The following AK7 variants were observed in gnomAD, a reference collection of about 807,000 sequenced individuals.
AK7 encodes the protein ATP-AMP transphosphorylase 7.
A neutral mutation model predicts 96.6 loss-of-function variants in AK7; 78 were observed. That is an observed-to-expected ratio of 0.81 (90% CI 0.67 to 0.97). The LOEUF is 0.97. Among genes scored for constraint, AK7 ranks in the 50% least tolerant of loss-of-function variants. The probability of loss-of-function intolerance (pLI) is 0.00; values close to 1 mark genes in which losing one functional copy is unlikely to be tolerated. For missense variants in AK7, 855 were observed against 887.9 expected (o/e 0.96, Z 0.47); for synonymous variants, 302 against 317.2 (o/e 0.95, Z 0.51).
chr14:96,467,452 C>G (rs1669069354), intron 12 of AK7, among the ~76,000 whole-genome samples: 1 of 152,070 alleles, frequency 6.6e-6, no homozygotes, highest in African/African-American at 2.4e-5. Context: ...TCTCCTGCCT[C>G]AGCCTCCCGA....
intron 8 of AK7, among the ~76,000 whole-genome samples, chr14:96,449,117 C>T (rs376269158): frequency 3.3e-4 from 50 of 152,260 alleles, no homozygotes; most frequent in African/African-American, 1.2e-3. Flanking sequence ...ACACTAATCT[C>T]ATTCTTGAGG....
chr14:96,399,033 T>C lies in AK7; in HGVS notation c.294+770T>C, dbSNP rs1369540647. 1 of 152,138 alleles carries C rather than the reference T, an allele frequency of 6.6e-6. No individual in the cohort carries two copies. The highest frequency in any genetic ancestry group is 2.4e-5 in the African/African-American group (1 of 41,418). The allele number at this position is 152,138 out of a possible 1,614,324, so 9.4% of individuals were successfully genotyped here. ...GTCTCTTCCTCCAGGAAGCCGTTCA[T>C]GATTCCTACTTCTCCCTCACTCCCA... is the stretch of plus-strand genomic sequence containing the variant. On this transcript the variant is annotated intron_variant, in intron 2 of 17. Coordinates refer to ENST00000267584, the MANE Select transcript of AK7 (RefSeq NM_152327.5). This position sits in a 1 kb window ranked among gnomAD's most constrained non-coding sequence, Gnocchi z 4.1.
At chr14:96,404,150 TAAAA>T (rs34091316) in intron 2 of AK7, among the ~76,000 whole-genome samples, 3 of 99,760 alleles carry the variant, frequency 3.0e-5, no homozygotes, top group Non-Finnish European at 4.0e-5. Context: ...TGTCTCAAAT[TAAAA>T]AAAAAAAAAA....
chr14:96,436,822 A>G (rs1892663437), intron 5 of AK7, among the ~76,000 whole-genome samples: 1 of 151,906 alleles, frequency 6.6e-6, no homozygotes, highest in South Asian at 2.1e-4. Flanking sequence ...GCTACTGTGC[A>G]TTTCACCTTC....
chr14:96,403,830 G>A (rs1027542470), intron 2 of AK7, among the ~76,000 whole-genome samples: 1 of 152,112 alleles, frequency 6.6e-6, no homozygotes, highest in Non-Finnish European at 1.5e-5. Context: ...TATTCATGCA[G>A]CAAGGATTGA....
chr14:96,438,436 G>A (rs1892772505), intron 6 of AK7, among the ~76,000 whole-genome samples: 1 of 152,202 alleles, frequency 6.6e-6, no homozygotes, highest in Non-Finnish European at 1.5e-5. Context: ...TGACATTTGA[G>A]TAGGAAGGGA....
rs1893606817 is a variant in AK7 at position 96,451,535 on chromosome 14, A to G, written c.1063A>G (p.Ile355Val). The change falls in exon 10 of 18, where the codon ATC becomes GTC. Residue 355 changes from isoleucine to valine, a missense_variant. Ile to Val is a conservative substitution (Grantham distance 29). Coordinates refer to ENST00000267584, the MANE Select transcript of AK7 (RefSeq NM_152327.5). ...AGGATTTGTGGAAAATATCAACACTATCCTCAAGGAGTACAAGCAAAGCAG... is the reference window on the plus strand; with the variant it reads ...AGGATTTGTGGAAAATATCAACACTGTCCTCAAGGAGTACAAGCAAAGCAG... The part of the protein sequence containing the change: ...QTGFVENINT[I>V]LKEYKQSRGL... 6.3e-7 allele frequency: 1 copy of G among 1,584,666 alleles called. No homozygotes were observed. The highest frequency in any genetic ancestry group is 8.6e-7 in the Non-Finnish European group (1 of 1,163,464).
intron 12 of AK7, among the ~76,000 whole-genome samples, chr14:96,461,682 C>T (rs1202774879): frequency 6.7e-6 from 1 of 150,060 alleles, no homozygotes; most frequent in East Asian, 2.0e-4. Context: ...AGCTCTGCCT[C>T]CTGGCTTCAA....
rs1431036866 is a variant in AK7, at chr14:96,456,239, A to T, written c.1099-108A>T. The T allele has an allele frequency of 9.4e-3, 57 of 6,070 alleles. 1 individual carries two copies. The East Asian group carries it at 0.37, about 39-fold the overall frequency. 0.4% of individuals were successfully genotyped at this position (6,070 alleles called of 1,614,324 possible). On this transcript the variant is annotated intron_variant, in intron 10 of 17. Coordinates refer to ENST00000267584, the MANE Select transcript of AK7 (RefSeq NM_152327.5). Reference sequence around the variant, plus strand: ...GCAACAGAGTGAGAGACTCTGTCTCAAAAAAAAAAAAAAAAAAAAAAAGCA... The same window carrying T: ...GCAACAGAGTGAGAGACTCTGTCTCTAAAAAAAAAAAAAAAAAAAAAAGCA...
intron 5 of AK7, among the ~76,000 whole-genome samples, chr14:96,434,022 G>A (rs936453635): frequency 6.6e-6 from 1 of 152,142 alleles, no homozygotes; most frequent in Non-Finnish European, 1.5e-5. Context: ...TGTCTGAAAG[G>A]TCACATAGCT....
chr14:96,450,636 A>G (rs1170284909), intron 9 of AK7, among the ~76,000 whole-genome samples: 2 of 151,900 alleles, frequency 1.3e-5, no homozygotes, highest in Non-Finnish European at 2.9e-5. Flanking sequence ...AATTCTTTTT[A>G]AGAATAAATT....
At chr14:96,427,724 C>T (rs1048376594) in intron 5 of AK7, among the ~76,000 whole-genome samples, 4 of 152,186 alleles carry the variant, frequency 2.6e-5, no homozygotes. Flanking sequence ...ATCTCTTACT[C>T]GACTTCCTCT....
chr14:96,465,642 A>T (rs1894521000), intron 12 of AK7, among the ~76,000 whole-genome samples: 1 of 152,204 alleles, frequency 6.6e-6, no homozygotes, highest in Non-Finnish European at 1.5e-5. Flanking sequence ...AGATTATTTT[A>T]TGTAAAAGGA....
chr14:96,398,084 A>C lies in AK7; in HGVS notation c.115A>C (p.Asn39His). 6.2e-7 allele frequency: 1 copy of C among 1,613,888 alleles called. No individual in the cohort carries two copies. Among genetic ancestry groups the C allele is most frequent in the Non-Finnish European group, 8.5e-7 (1 of 1,179,976 alleles). Reference protein sequence around the residue: ...SSGNIGKFLSNCVVGASLEEI... With the variant: ...SSGNIGKFLSHCVVGASLEEI... The stretch of plus-strand genomic sequence containing the variant: ...TTCTGTTTCCTTGCAGTTTCTATCT[A>C]ACTGTGTAGTTGGGGCTTCGCTTGA... The change falls in exon 2 of 18, where the codon AAC becomes CAC. Residue 39 changes from asparagine (N) to histidine (H), a missense_variant. Transcript: ENST00000267584.
chr14:96,441,124 C>T (rs570938795), intron 6 of AK7, among the ~76,000 whole-genome samples: 1 of 152,164 alleles, frequency 6.6e-6, no homozygotes, highest in South Asian at 2.1e-4. Flanking sequence ...TCTAGCTCAG[C>T]GAATCTGCAT....
At chr14:96,401,335 A>G (rs1890397139) in intron 2 of AK7, among the ~76,000 whole-genome samples, 1 of 152,130 alleles carries the variant, frequency 6.6e-6, no homozygotes, top group African/African-American at 2.4e-5. Context: ...CCCTCCTGCC[A>G]AACAGATCGG....
At chr14:96,395,598 C>G (rs570800205) in intron 1 of AK7, among the ~76,000 whole-genome samples, 23 of 151,798 alleles carry the variant, frequency 1.5e-4, no homozygotes, top group Non-Finnish European at 2.9e-4. Flanking sequence ...TTCCCAGCTG[C>G]TCAGGAGGCA....
intron 8 of AK7, among the ~76,000 whole-genome samples, chr14:96,447,102 T>G (rs771058517): frequency 6.6e-6 from 1 of 152,184 alleles, no homozygotes; most frequent in Non-Finnish European, 1.5e-5. Flanking sequence ...CAAAATAGCC[T>G]TTCTCTTTTA....
intron 4 of AK7, among the ~76,000 whole-genome samples, chr14:96,416,571 G>A (rs1428113712): frequency 6.6e-6 from 1 of 152,094 alleles, no homozygotes; most frequent in Non-Finnish European, 1.5e-5. Context: ...TGAGTTTCCA[G>A]AAATGCTGAC....
Sources: gnomAD v4.1 joint callset for allele counts (sites outside exome capture counted in the v4.1 genomes callset) on GRCh38, gnomAD v4.1.1 for gene constraint, Gnocchi (gnomAD v3.1) non-coding constraint, MANE v1.5 for transcripts, NCBI Gene and HGNC (gene_info 2026-07-23, HGNC 2026-07-21) for gene names.